DSPP: variants seen among roughly 807,000 people sequenced by gnomAD.
The protein encoded by DSPP is deafness, autosomal dominant 39.
Under a neutral mutation model 29.1 loss-of-function variants are expected in DSPP, and 28 were observed. The ratio of observed to expected loss-of-function variants is 0.96; its 90% CI spans 0.71 to 1.32. DSPP has a LOEUF of 1.32. Ranked by LOEUF, DSPP falls within the 40% of genes most tolerant of loss-of-function variation. DSPP has a pLI of 0.00. For missense variants in DSPP, 1,281 were observed against 1,629.9 expected, an observed-to-expected ratio of 0.79 and a Z score of 3.69; for synonymous variants, 481 against 503.4, an observed-to-expected ratio of 0.96 and a Z score of 0.60.
Position 87,613,954 on chromosome 4 carries a change from A to G in DSPP, c.1292A>G (p.Glu431Gly). ...ATAGAAGGACCTGGCCAAAAATCAGAACCAGGAAATAAAGTTGGACACAGC... is the reference window on the plus strand; with the variant it reads ...ATAGAAGGACCTGGCCAAAAATCAGGACCAGGAAATAAAGTTGGACACAGC... ...VNIEGPGQKS[E>G]PGNKVGHSNT... The change falls in exon 5 of 5, where the codon GAA becomes GGA. Residue 431 changes from glutamate (E) to glycine (G), a missense_variant. Physicochemically the swap from Glu to Gly is moderately conservative, Grantham distance 98. Transcript: ENST00000651931. 1 of 1,614,248 alleles carries G rather than the reference A, an allele frequency of 6.2e-7. No individual in the cohort carries two copies. Among genetic ancestry groups the G allele is most frequent in the Non-Finnish European group, 8.5e-7 (1 of 1,180,042 alleles).
chr4:87,610,847 A>C, intron 1 of DSPP, 34 bp from the exon 2 acceptor site: 2 of 1,407,926 alleles, frequency 1.4e-6, no homozygotes, highest in Non-Finnish European at 2.0e-6. Context: ...CCTTTACTTT[A>C]TAAGTAATTT....
chr4:87,616,738 T>A lies in DSPP; in HGVS notation c.*170T>A. On this transcript the variant is annotated 3_prime_UTR_variant, in exon 5 of 5. Transcript: ENST00000651931. ...GTTGGATTCAGAACCAAGACCTAAC[T>A]CCTGCAGAGACAGACTCTGAATGCA... 9.5e-7 allele frequency: 1 copy of A among 1,051,872 alleles called. No individual in the cohort carries two copies. The highest frequency in any genetic ancestry group is 1.4e-6 in the Non-Finnish European group (1 of 725,014). The allele number at this position is 1,051,872 out of a possible 1,614,324, so 65.2% of individuals were successfully genotyped here.
At position 87,614,267 on chromosome 4, in the gene DSPP, T is replaced by A. The variant is rs532381053; in HGVS notation, c.1605T>A (p.Asp535Glu). The A allele has an allele frequency of 6.2e-7, 1 of 1,614,170 alleles. No homozygotes were observed. Among genetic ancestry groups the A allele is most frequent in the East Asian group, 2.2e-5 (1 of 44,874 alleles). ...ATGGCAATGGTAACAATGGGAATGA[T>A]GACAATGACAAATCAGACAGTGGCA... is the stretch of plus-strand genomic sequence containing the variant. ...DSNGNGNNGN[D>E]DNDKSDSGKG... The change falls in exon 5 of 5, where the codon GAT becomes GAA. Residue 535 changes from aspartate (D) to glutamate (E), a missense_variant. Physicochemically the swap from Asp to Glu is conservative, Grantham distance 45. Coordinates refer to ENST00000651931, the MANE Select transcript of DSPP (RefSeq NM_014208.3).
At position 87,615,266 on chromosome 4, in the gene DSPP, C is replaced by T. The variant is rs778963858; in HGVS notation, c.2604C>T (p.Ser868=). The T allele has an allele frequency of 8.3e-5, 128 of 1,538,666 alleles. No homozygotes were observed. Among genetic ancestry groups the T allele is most frequent in the South Asian group, 7.9e-4 (65 of 82,644 alleles). ...ACAGTAGTAATAGTAGTGACAGCAG[C>T]GATAGCAGTGACAGCAGCAACAGCA... is the stretch of plus-strand genomic sequence containing the variant. ...RSDSSNSSDS[S]DSSDSSNSSD... is the part of the protein sequence containing the mutation. Residue 868 remains serine (S), a synonymous_variant, in exon 5 of 5, where the codon AGC becomes AGT. Coordinates refer to ENST00000651931, the MANE Select transcript of DSPP (RefSeq NM_014208.3).
intron 4 of DSPP, 148 bp downstream of exon 4, chr4:87,613,456 C>T: frequency 1.0e-6 from 1 of 996,302 alleles, no homozygotes; most frequent in South Asian, 1.5e-5. Context: ...AGAGTCCTTA[C>T]TAGACTTCGA....
Position 87,612,882 on chromosome 4 carries a change from C to G in DSPP, c.696C>G (p.Gly232=), listed in dbSNP as rs1211103062. The G allele has an allele frequency of 6.8e-6, 11 of 1,614,022 alleles. No individual in the cohort carries two copies. The highest frequency in any genetic ancestry group is 9.3e-6 in the Non-Finnish European group (11 of 1,180,042). Residue 232 remains glycine, a synonymous_variant, in exon 4 of 5, where the codon GGC becomes GGG. Coordinates refer to ENST00000651931, the MANE Select transcript of DSPP (RefSeq NM_014208.3). ...CTAAGGAAGCTGAGGTAACACCAGG[C>G]ACTGGAGAAGATGCTGGCCTGGATA... ...NGTKEAEVTP[G]TGEDAGLDNS... is the part of the protein sequence containing the mutation.
Position 87,616,175 on chromosome 4 carries a change from C to A in DSPP, c.3513C>A (p.Ser1171Arg). Residue 1171 changes from serine (S) to arginine (R), a missense_variant, in exon 5 of 5, where the codon AGC becomes AGA. Physicochemically the swap from Ser to Arg is moderately radical, Grantham distance 110. Around this residue, in one of 4 missense-constraint regions of DSPP, gnomAD observed 134 missense variants for 185.0 expected, o/e 0.72. Transcript: ENST00000651931. ...GCGATAGCAGCGACAGCAGCGACAG[C>A]AGCGATAGCAGTGACAGCAGCAATA... ...DSSDSSDSSD[S>R]SDSSDSSNSS... is the part of the protein sequence containing the mutation. 6.5e-7 allele frequency: 1 copy of A among 1,547,354 alleles called. No individual in the cohort carries two copies. Among genetic ancestry groups the A allele is most frequent in the South Asian group, 1.2e-5 (1 of 83,408 alleles).
chr4:87,609,937 A>G (rs1192010470), intron 1 of DSPP, among the ~76,000 whole-genome samples: 1 of 152,240 alleles, frequency 6.6e-6, no homozygotes, highest in Non-Finnish European at 1.5e-5. Context: ...AAGAATCATG[A>G]TTTTAGAAGT....
intron 1 of DSPP, among the ~76,000 whole-genome samples, chr4:87,609,809 A>G (rs540991425): frequency 6.6e-6 from 1 of 152,366 alleles, no homozygotes; most frequent in South Asian, 2.1e-4. Flanking sequence ...CATTACTTCA[A>G]GAAATCCAAC....
chr4:87,609,862 T>G (rs1273884791), intron 1 of DSPP, among the ~76,000 whole-genome samples: 2 of 152,250 alleles, frequency 1.3e-5, no homozygotes, highest in African/African-American at 4.8e-5. Context: ...GATTATAAAA[T>G]GTCTATTCCA....
chr4:87,613,855 G>C lies in DSPP; in HGVS notation c.1193G>C (p.Gly398Ala). 1 of 1,614,170 alleles carries C rather than the reference G, an allele frequency of 6.2e-7. No individual in the cohort carries two copies. Among genetic ancestry groups the C allele is most frequent in the Non-Finnish European group, 8.5e-7 (1 of 1,180,036 alleles). ...ITKEVGKGNEGKEDKGQHGMI... is the reference protein window; with the variant it reads ...ITKEVGKGNEAKEDKGQHGMI... ...AAAGAAGTTGGGAAAGGCAACGAAGGTAAAGAGGATAAAGGACAACATGGA... is the reference window on the plus strand; with the variant it reads ...AAAGAAGTTGGGAAAGGCAACGAAGCTAAAGAGGATAAAGGACAACATGGA... The change falls in exon 5 of 5, where the codon GGT becomes GCT. Residue 398 changes from glycine (G) to alanine (A), a missense_variant. Coordinates refer to ENST00000651931, the MANE Select transcript of DSPP (RefSeq NM_014208.3).
At position 87,616,494 on chromosome 4, in the gene DSPP, G is replaced by C. The variant is rs1560481387; in HGVS notation, c.3832G>C (p.Gly1278Arg). The C allele has an allele frequency of 4.5e-6, 7 of 1,551,750 alleles. No homozygotes were observed. Among genetic ancestry groups the C allele is most frequent in the Non-Finnish European group, 6.1e-6 (7 of 1,147,000 alleles). ...TGACAGCCAGAGCAAGTCTGGTAAC[G>C]GTAACAACAATGGAAGTGACAGTGA... ...ESDSQSKSGN[G>R]NNNGSDSDSD... Residue 1278 changes from glycine to arginine, a missense_variant, in exon 5 of 5, where the codon GGT becomes CGT. Physicochemically the swap from Gly to Arg is moderately radical, Grantham distance 125 (BLOSUM62 -2). Coordinates refer to ENST00000651931, the MANE Select transcript of DSPP (RefSeq NM_014208.3).
rs1289125239 is a variant in DSPP at position 87,614,500 on chromosome 4, G to T, written c.1838G>T (p.Ser613Ile). 6.4e-7 allele frequency: 1 copy of T among 1,551,518 alleles called. No individual in the cohort carries two copies. Among genetic ancestry groups the T allele is most frequent in the Non-Finnish European group, 8.7e-7 (1 of 1,146,960 alleles). Reference sequence around the variant, plus strand: ...AGTGACAGCAGTGATAGCAGTGACAGTAGTGATAGTAGTGACAGCAGTGAC... The same window carrying T: ...AGTGACAGCAGTGATAGCAGTGACATTAGTGATAGTAGTGACAGCAGTGAC... ...DSSDSSDSSD[S>I]SDSSDSSDSK... Residue 613 changes from serine (S) to isoleucine (I), a missense_variant, in exon 5 of 5, where the codon AGT becomes ATT. Physicochemically the swap from Ser to Ile is moderately radical, Grantham distance 142. This residue lies in a region of DSPP where 444 missense variants were observed against 611.4 expected (regional missense o/e 0.73). Transcript: ENST00000651931.
chr4:87,611,996 T>G, intron 2 of DSPP, 109 bp from the exon 3 acceptor site: 1 of 1,202,670 alleles, frequency 8.3e-7, no homozygotes, highest in Non-Finnish European at 1.2e-6. Flanking sequence ...TTCTTCTTCA[T>G]GGAGGGAAGA....
chr4:87,614,393 C>T lies in DSPP; in HGVS notation c.1731C>T (p.Ser577=), dbSNP rs952096034. 34 of 1,572,726 alleles carry T rather than the reference C, an allele frequency of 2.2e-5. 1 individual carries two copies. The South Asian group carries it at 3.9e-4, about 18-fold the overall frequency. ...GTGACAGCAGTGATAGCAACAGTAG[C>T]AGTGATAGTGACAGCAGTGACAGTG... ...SDSDSSDSNS[S]SDSDSSDSDS... is the part of the protein sequence containing the mutation. Residue 577 remains serine, a synonymous_variant, in exon 5 of 5, where the codon AGC becomes AGT. Coordinates refer to ENST00000651931, the MANE Select transcript of DSPP (RefSeq NM_014208.3).
rs200670885 is a variant in DSPP at position 87,615,285 on chromosome 4, A to C, written c.2623A>C (p.Asn875His). ...SDSSDSSDSS[N>H]SSDSSDSSDS... ...CAGCAGCGATAGCAGTGACAGCAGC[A>C]ACAGCAGTGACAGCAGTGATAGCAG... Residue 875 changes from asparagine to histidine, a missense_variant, in exon 5 of 5, where the codon AAC becomes CAC. This residue lies in a region of DSPP where 444 missense variants were observed against 611.4 expected (regional missense o/e 0.73). Transcript: ENST00000651931. The C allele has an allele frequency of 6.8e-7, 1 of 1,481,272 alleles. No individual in the cohort carries two copies. Among genetic ancestry groups the C allele is most frequent in the Admixed American group, 2.2e-5 (1 of 45,584 alleles). 91.8% of individuals were successfully genotyped at this position (1,481,272 alleles called of 1,614,324 possible).
Position 87,614,746 on chromosome 4 carries a change from G to A in DSPP, c.2084G>A (p.Ser695Asn), listed in dbSNP as rs924583506. The change falls in exon 5 of 5, where the codon AGC becomes AAC. Residue 695 changes from serine (S) to asparagine (N), a missense_variant. Physicochemically the swap from Ser to Asn is conservative, Grantham distance 46. Transcript: ENST00000651931. ...NSSDSSDSSDSSNSSESSDSS... is the reference protein window; with the variant it reads ...NSSDSSDSSDNSNSSESSDSS... ...AGTGATAGTAGTGACAGTAGTGACA[G>A]CAGCAATAGCAGTGAGAGCAGTGAT... 6 of 1,549,232 alleles carry A rather than the reference G, an allele frequency of 3.9e-6. No homozygotes were observed. Among genetic ancestry groups the A allele is most frequent in the Admixed American group, 3.9e-5 (2 of 50,816 alleles).
In DSPP at chr4:87,611,030, A is replaced by AGTGTGTGTGTGT. The variant is rs33940466; in HGVS notation, c.51+93_51+104dup. The AGTGTGTGTGTGT allele has an allele frequency of 8.6e-3, 7,031 of 820,828 alleles. 53 individuals carry two copies. Among genetic ancestry groups the AGTGTGTGTGTGT allele is most frequent in the African/African-American group, 0.037 (2,070 of 56,708 alleles). The allele number at this position is 820,828 out of a possible 1,614,324, so 50.8% of individuals were successfully genotyped here. A position where few individuals can be genotyped will look rare whatever the true frequency, so the allele number is the denominator to read the frequency against. On this transcript the variant is annotated intron_variant, in intron 2 of 4. Coordinates refer to ENST00000651931, the MANE Select transcript of DSPP (RefSeq NM_014208.3). Reference sequence around the variant, plus strand: ...TTAACCTAACATTAATACAAAATGTAGTGTGTGTGTGTGTGTGTGTGTGTG... The same window carrying AGTGTGTGTGTGT: ...TTAACCTAACATTAATACAAAATGTAGTGTGTGTGTGTGTGTGTGTGTGTGTGTGTGTGTGTG...
chr4:87,613,955 A>G lies in DSPP; in HGVS notation c.1293A>G (p.Glu431=), dbSNP rs1560478290. 2 of 1,614,226 alleles carry G rather than the reference A, an allele frequency of 1.2e-6. No individual in the cohort carries two copies. The highest frequency in any genetic ancestry group is 1.7e-6 in the Non-Finnish European group (2 of 1,180,034). Residue 431 remains glutamate (E), a synonymous_variant, in exon 5 of 5, where the codon GAA becomes GAG. Coordinates refer to ENST00000651931, the MANE Select transcript of DSPP (RefSeq NM_014208.3). Reference sequence around the variant, plus strand: ...TAGAAGGACCTGGCCAAAAATCAGAACCAGGAAATAAAGTTGGACACAGCA... The same window carrying G: ...TAGAAGGACCTGGCCAAAAATCAGAGCCAGGAAATAAAGTTGGACACAGCA... ...VNIEGPGQKS[E]PGNKVGHSNT...
Sources: allele counts gnomAD v4.1 joint callset (sites outside exome capture counted in the v4.1 genomes callset), GRCh38; gene constraint gnomAD v4.1.1; regional missense constraint gnomAD v4.1.1; transcripts MANE v1.5; gene names NCBI Gene and HGNC (gene_info 2026-07-23, HGNC 2026-07-21).